Variants in FAM107B observed in about 807,000 individuals in gnomAD.
FAM107B encodes family with sequence similarity 107 member B.
FAM107B carries 21 observed loss-of-function variants against 31.5 expected under a neutral mutation model. That is an observed-to-expected ratio of 0.67 (90% CI 0.47 to 0.96). The LOEUF is 0.96. Ranked by LOEUF, FAM107B falls within the 40% of genes least tolerant of loss-of-function variation. FAM107B has a pLI of 0.00. For synonymous variants in FAM107B, 157 were observed against 141.5 expected (o/e 1.11, Z -0.78); for missense variants, 452 against 377.1 (o/e 1.20, Z -1.64).
In FAM107B at chr10:14,519,904, T is replaced by C. The variant is rs1845469254; in HGVS notation, c.*1286A>G. The stretch of plus-strand genomic sequence containing the variant: ...CCACACTAGCAGTTTAAAACTAATT[T>C]TGCATGAGAATGCGGCTGCTGTCTG... On this transcript the variant is annotated 3_prime_UTR_variant, in exon 5 of 5. Coordinates refer to ENST00000181796, the MANE Select transcript of FAM107B (RefSeq NM_031453.4). 6.6e-6 allele frequency: 1 copy of C among 152,650 alleles called. No homozygotes were observed. Among genetic ancestry groups the C allele is most frequent in the East Asian group, 1.9e-4 (1 of 5,198 alleles). The allele number at this position is 152,650 out of a possible 1,614,324, so 9.5% of individuals were successfully genotyped here.
At chr10:14,591,333 T>C (rs763046406) in intron 2 of FAM107B, among the ~76,000 whole-genome samples, 2 of 152,152 alleles carry the variant, frequency 1.3e-5, no homozygotes, top group African/African-American at 2.4e-5. Flanking sequence ...AAGACTTAAA[T>C]AACAAAATTA....
chr10:14,774,758 T>A lies in FAM107B; in HGVS notation c.-95A>T. On this transcript the variant is annotated 5_prime_UTR_variant, in exon 1 of 5. Transcript: ENST00000181796. The stretch of plus-strand genomic sequence containing the variant: ...CTTTGCTTATAGGAACTCTTTCCAA[T>A]TGCCCGAAGAGAAGAACTTGCTAGT... 1 of 1,361,942 alleles carries A rather than the reference T, an allele frequency of 7.3e-7. No homozygotes were observed. Among genetic ancestry groups the A allele is most frequent in the Middle Eastern group, 1.9e-4 (1 of 5,306 alleles). 84.4% of individuals were successfully genotyped at this position (1,361,942 alleles called of 1,614,324 possible). A position where few individuals can be genotyped will look rare whatever the true frequency, so the allele number is the denominator to read the frequency against.
chr10:14,627,726 T>C (rs1477943188), intron 2 of FAM107B, among the ~76,000 whole-genome samples: 1 of 152,026 alleles, frequency 6.6e-6, no homozygotes, highest in East Asian at 1.9e-4. Context: ...TGAGCGAGGA[T>C]CACACATCTG....
intron 1 of FAM107B, among the ~76,000 whole-genome samples, chr10:14,714,074 C>T (rs541737346): frequency 3.3e-5 from 5 of 152,250 alleles, no homozygotes; most frequent in South Asian, 4.2e-4. Flanking sequence ...AACTGCCTAT[C>T]GGGTACTAGA....
chr10:14,738,064 T>G (rs1856351018), intron 1 of FAM107B, among the ~76,000 whole-genome samples: 2 of 152,136 alleles, frequency 1.3e-5, no homozygotes, highest in Admixed American at 6.6e-5. Flanking sequence ...ACGGTCTCAT[T>G]GGAATTTACT....
Position 14,774,496 on chromosome 10 carries a change from A to G in FAM107B, c.168T>C (p.Pro56=), listed in dbSNP as rs779068513. The G allele has an allele frequency of 2.5e-6, 4 of 1,614,172 alleles. No homozygotes were observed. The highest frequency in any genetic ancestry group is 2.5e-6 in the Non-Finnish European group (3 of 1,180,040). ...ADTHSTVRVQ[P]VAKAGRQPRH... ...TTGGCTGTCTGCCTGCTTTGGCCAC[A>G]GGCTGCACACGGACGGTGGAATGAG... The change falls in exon 1 of 5, where the codon CCT becomes CCC. Residue 56 remains proline, a synonymous_variant. Transcript: ENST00000181796.
intron 1 of FAM107B, among the ~76,000 whole-genome samples, chr10:14,681,881 G>A (rs1588702519): frequency 6.6e-6 from 1 of 152,332 alleles, no homozygotes; most frequent in South Asian, 2.1e-4. Context: ...AGAGGCATTG[G>A]TAATAGCGAG....
chr10:14,678,836 G>A lies in FAM107B; in HGVS notation c.412-11145C>T, dbSNP rs551227043. Among the ~76,000 whole-genome samples the A allele has an allele frequency of 2.6e-5, 4 of 152,332 alleles. No homozygotes were observed. In the East Asian group the frequency reaches 5.8e-4, roughly 22 times the overall value. On this transcript the variant is annotated intron_variant, in intron 1 of 4. Coordinates refer to ENST00000181796, the MANE Select transcript of FAM107B (RefSeq NM_031453.4). ...GGGTGAGTCCCTGGTGAATACAGGC[G>A]TCTCCAGGCCTCATCACACGGAACA...
intron 1 of FAM107B, among the ~76,000 whole-genome samples, chr10:14,724,269 T>C (rs1003777343): frequency 1.3e-5 from 2 of 152,150 alleles, no homozygotes; most frequent in African/African-American, 2.4e-5. Flanking sequence ...CATTTGGGGG[T>C]AATTTTTGTA....
rs953120512 is a variant in FAM107B, at chr10:14,521,033, C to T, written c.*157G>A. 6.3e-6 allele frequency: 4 copies of T among 636,348 alleles called. No individual in the cohort carries two copies. Among genetic ancestry groups the T allele is most frequent in the Middle Eastern group, 4.4e-4 (1 of 2,254 alleles). 39.4% of individuals were successfully genotyped at this position (636,348 alleles called of 1,614,324 possible). A position where few individuals can be genotyped will look rare whatever the true frequency, so the allele number is the denominator to read the frequency against. On this transcript the variant is annotated 3_prime_UTR_variant, in exon 5 of 5. Coordinates refer to ENST00000181796, the MANE Select transcript of FAM107B (RefSeq NM_031453.4). The stretch of plus-strand genomic sequence containing the variant: ...GGAACTGCAACTGTCACAGGCAAGG[C>T]ATCCACCCAGATCGTAGGAAAATCA...
At chr10:14,731,291 G>C (rs760135232) in intron 1 of FAM107B, among the ~76,000 whole-genome samples, 1 of 152,178 alleles carries the variant, frequency 6.6e-6, no homozygotes, top group Non-Finnish European at 1.5e-5. Context: ...GCCAGGTGTG[G>C]TGGCTCACGC....
intron 2 of FAM107B, among the ~76,000 whole-genome samples, chr10:14,664,318 T>G (rs1279619394): frequency 6.6e-6 from 1 of 152,254 alleles, no homozygotes; most frequent in Non-Finnish European, 1.5e-5. Context: ...GTCTAATGGC[T>G]GTATTTCTCA....
chr10:14,755,269 T>C (rs991478318), intron 1 of FAM107B, among the ~76,000 whole-genome samples: 2 of 151,812 alleles, frequency 1.3e-5, no homozygotes, highest in African/African-American at 4.8e-5. Flanking sequence ...CAGGCCAGGG[T>C]TGGGTATAGG....
intron 2 of FAM107B, among the ~76,000 whole-genome samples, chr10:14,623,797 C>G (rs1383161019): frequency 6.6e-6 from 1 of 152,164 alleles, no homozygotes; most frequent in Non-Finnish European, 1.5e-5. Context: ...TGCACTCCAG[C>G]CTGGGGGACA....
chr10:14,751,260 A>T (rs1261332640), intron 1 of FAM107B, among the ~76,000 whole-genome samples: 1 of 152,222 alleles, frequency 6.6e-6, no homozygotes, highest in Non-Finnish European at 1.5e-5. Flanking sequence ...CTTCATTATT[A>T]AAACGAGAGG....
chr10:14,649,413 A>C (rs1016820239), intron 2 of FAM107B, among the ~76,000 whole-genome samples: 3 of 152,204 alleles, frequency 2.0e-5, no homozygotes, highest in Non-Finnish European at 4.4e-5. Context: ...ATTAACTAAG[A>C]GTCTGGCACC....
intron 2 of FAM107B, among the ~76,000 whole-genome samples, chr10:14,645,310 C>A (rs1273920885): frequency 6.6e-6 from 1 of 152,186 alleles, no homozygotes; most frequent in Non-Finnish European, 1.5e-5. Context: ...CTTTATAAAT[C>A]TTCCAGGGGT....
intron 2 of FAM107B, among the ~76,000 whole-genome samples, chr10:14,551,415 G>T (rs1477812143): frequency 6.6e-6 from 1 of 152,126 alleles, no homozygotes; most frequent in African/African-American, 2.4e-5. Context: ...AAAGTGCTGG[G>T]ATTACAGGTG....
At chr10:14,748,368 C>T (rs1832766794) in intron 1 of FAM107B, among the ~76,000 whole-genome samples, 1 of 152,146 alleles carries the variant, frequency 6.6e-6, no homozygotes, top group Non-Finnish European at 1.5e-5. Context: ...CTGAACTTTC[C>T]TTCTATGTCT....
Sources: gnomAD v4.1 joint callset for allele counts (sites outside exome capture counted in the v4.1 genomes callset) on GRCh38, gnomAD v4.1.1 for gene constraint, MANE v1.5 for transcripts, NCBI Gene and HGNC (gene_info 2026-07-23, HGNC 2026-07-21) for gene names.